BSN: variants seen among roughly 807,000 people sequenced by gnomAD.
BSN encodes the protein bassoon presynaptic cytomatrix protein.
Under a neutral mutation model 264.8 loss-of-function variants are expected in BSN, and 57 were observed. The ratio of observed to expected loss-of-function variants is 0.22; its 90% CI spans 0.17 to 0.27. The LOEUF is 0.27. Among genes scored for constraint, BSN ranks in the 10% least tolerant of loss-of-function variants. The pLI, the probability that BSN is intolerant of heterozygous loss-of-function variation, is 1.00. For missense variants in BSN, 4,615 were observed against 5,232.5 expected, an observed-to-expected ratio of 0.88 and a Z score of 3.64; for synonymous variants, 2,059 against 2,137.3, an observed-to-expected ratio of 0.96 and a Z score of 1.01.
At chr3:49,606,332 T>TTATATATATTAAAATATATATTTA (rs1559603765) in intron 1 of BSN, among the ~76,000 whole-genome samples, 1 of 121,816 alleles carries the variant, frequency 8.2e-6, no homozygotes, top group Non-Finnish European at 1.6e-5. Context: ...AAAATATATA[T>TTATATATATTAAAATATATATTTA]ATATTTTTGG....
At chr3:49,573,718 C>T (rs1363208122) in intron 1 of BSN, among the ~76,000 whole-genome samples, 2 of 141,826 alleles carry the variant, frequency 1.4e-5, no homozygotes, top group African/African-American at 2.7e-5. Context: ...AGTGCAATGG[C>T]GCAATCTTGG....
intron 1 of BSN, among the ~76,000 whole-genome samples, chr3:49,556,984 T>TA (rs1315554703): frequency 2.0e-5 from 3 of 152,210 alleles, no homozygotes; most frequent in African/African-American, 7.2e-5. Flanking sequence ...ATTGCCATAT[T>TA]ACCTTGTCAT....
At chr3:49,666,092 A>T (rs2052711386) in intron 11 of BSN, among the ~76,000 whole-genome samples, 1 of 152,202 alleles carries the variant, frequency 6.6e-6, no homozygotes, top group Admixed American at 6.5e-5. Flanking sequence ...AGGACCACTG[A>T]CCATCATCCC....
intron 1 of BSN, among the ~76,000 whole-genome samples, chr3:49,607,904 G>A (rs1181632305): frequency 6.6e-6 from 1 of 152,256 alleles, no homozygotes; most frequent in Non-Finnish European, 1.5e-5. Flanking sequence ...CCTTGGATGG[G>A]AGGTTTTGGC....
chr3:49,658,539 G>T (rs1257637468), intron 5 of BSN, among the ~76,000 whole-genome samples: 1 of 152,118 alleles, frequency 6.6e-6, no homozygotes, highest in Non-Finnish European at 1.5e-5. Context: ...CTCACTTCTA[G>T]TCTGGACCCC....
Position 49,655,104 on chromosome 3 carries a change from C to T in BSN, c.5548C>T (p.Arg1850Trp), listed in dbSNP as rs1481359093. 3.7e-6 allele frequency: 6 copies of T among 1,612,574 alleles called. No individual in the cohort carries two copies. The highest frequency in any genetic ancestry group is 3.3e-5 in the Admixed American group (2 of 59,976). The change falls in exon 5 of 12, where the codon CGG becomes TGG. Residue 1850 changes from arginine (R) to tryptophan (W), a missense_variant. Arg to Trp is a moderately radical substitution (Grantham distance 101). Around this residue, in one of 3 missense-constraint regions of BSN, gnomAD observed 3,415 missense variants for 3,866.4 expected, o/e 0.88. Transcript: ENST00000296452. ...CCACCGGGCCACCCCTGCAGAGCTGCGGTCACATGCTCTGCCAGGTGCCAG... is the reference window on the plus strand; with the variant it reads ...CCACCGGGCCACCCCTGCAGAGCTGTGGTCACATGCTCTGCCAGGTGCCAG... ...EPHRATPAEL[R>W]SHALPGARKP...
In BSN at chr3:49,656,559, A is replaced by G. The variant is rs749220696; in HGVS notation, c.7003A>G (p.Lys2335Glu). Residue 2335 changes from lysine (K) to glutamate (E), a missense_variant, in exon 5 of 12, where the codon AAG becomes GAG. Lys to Glu is a moderately conservative substitution (Grantham distance 56). Coordinates refer to ENST00000296452, the MANE Select transcript of BSN (RefSeq NM_003458.4). Reference sequence around the variant, plus strand: ...AGCTCCTGCCCCACTAGCTGGCCAGAAGCCACCAGCAGATGCTGCTCCTGG... The same window carrying G: ...AGCTCCTGCCCCACTAGCTGGCCAGGAGCCACCAGCAGATGCTGCTCCTGG... ...APAPAPLAGQKPPADAAPGGG... is the reference protein window; with the variant it reads ...APAPAPLAGQEPPADAAPGGG... 6.4e-7 allele frequency: 1 copy of G among 1,573,034 alleles called. No homozygotes were observed. Among genetic ancestry groups the G allele is most frequent in the Non-Finnish European group, 8.6e-7 (1 of 1,159,896 alleles).
Position 49,651,851 on chromosome 3 carries a change from C to T in BSN, c.2295C>T (p.Ser765=), listed in dbSNP as rs974427911. ...EEQKQRPHSL[S]ITPEAFDSDE... is the part of the protein sequence containing the mutation. ...AGAAGCAGCGGCCCCACTCCTTGTC[C>T]ATCACGCCTGAGGCCTTTGACTCTG... The change falls in exon 5 of 12, where the codon TCC becomes TCT. Residue 765 remains serine, a synonymous_variant. Coordinates refer to ENST00000296452, the MANE Select transcript of BSN (RefSeq NM_003458.4). This position sits in a 1 kb window ranked among gnomAD's most constrained non-coding sequence, Gnocchi z 5.4. 1.2e-6 allele frequency: 2 copies of T among 1,613,858 alleles called. No individual in the cohort carries two copies. The highest frequency in any genetic ancestry group is 1.7e-6 in the Non-Finnish European group (2 of 1,180,046).
intron 2 of BSN, among the ~76,000 whole-genome samples, chr3:49,633,301 CAAAAAAAA>C (rs77435983): frequency 1.6e-4 from 13 of 81,078 alleles, no homozygotes; most frequent in Middle Eastern, 8.2e-3. Flanking sequence ...GACTCTGTCT[CAAAAAAAA>C]AAAAAAGAAA....
At chr3:49,562,942 A>G (rs933572728) in intron 1 of BSN, among the ~76,000 whole-genome samples, 1 of 152,158 alleles carries the variant, frequency 6.6e-6, no homozygotes, top group Non-Finnish European at 1.5e-5. Context: ...TTCATCTGTA[A>G]AATGAGAGAT....
intron 1 of BSN, among the ~76,000 whole-genome samples, chr3:49,605,900 C>CTA (rs1304941644): frequency 3.3e-4 from 5 of 15,190 alleles, no homozygotes; most frequent in East Asian, 2.9e-3. Context: ...ATATTTATGT[C>CTA]TATATAAATA....
At chr3:49,664,879 C>T (rs980933902) in intron 10 of BSN, 26 bp downstream of exon 10, 1 of 1,585,524 alleles carries the variant, frequency 6.3e-7, no homozygotes, top group African/African-American at 1.3e-5. Flanking sequence ...CTGTACCTTG[C>T]CTCTTCTGGG....
chr3:49,642,269 T>G lies in BSN; in HGVS notation c.635T>G (p.Val212Gly), dbSNP rs1167052634. The G allele has an allele frequency of 6.6e-7, 1 of 1,525,078 alleles. No individual in the cohort carries two copies. The highest frequency in any genetic ancestry group is 8.8e-7 in the Non-Finnish European group (1 of 1,136,434). The allele number at this position is 1,525,078 out of a possible 1,614,324, so 94.5% of individuals were successfully genotyped here. A position where few individuals can be genotyped will look rare whatever the true frequency, so the allele number is the denominator to read the frequency against. Residue 212 changes from valine (V) to glycine (G), a missense_variant and splice_region_variant, in exon 3 of 12, where the codon GTG becomes GGG. Val to Gly is a moderately radical substitution (Grantham distance 109). Around this residue, in one of 3 missense-constraint regions of BSN, gnomAD observed 1,197 missense variants for 1,348.0 expected, o/e 0.89. Transcript: ENST00000296452. The surrounding 1 kb of genome is among the most constrained non-coding windows in gnomAD (Gnocchi z 7.0). ...GFNPNPHLTQ[V>G]KEWLCLNCQM... ...TGACTATTTTGCTTTTCTCCTCAGG[T>G]GAAGGAGTGGCTCTGTCTGAACTGT...
At chr3:49,582,279 G>T (rs1273282307) in intron 1 of BSN, among the ~76,000 whole-genome samples, 1 of 152,150 alleles carries the variant, frequency 6.6e-6, no homozygotes, top group African/African-American at 2.4e-5. Flanking sequence ...AATCTTTAGA[G>T]AAATGTCTGT....
At chr3:49,594,890 ATTT>A (rs35658408) in intron 1 of BSN, among the ~76,000 whole-genome samples, 1 of 144,316 alleles carries the variant, frequency 6.9e-6, no homozygotes. Flanking sequence ...AGATCCTACA[ATTT>A]TTTTTTTTTT....
chr3:49,613,305 AGAGAG>A (rs1559605424), intron 1 of BSN, among the ~76,000 whole-genome samples: 5 of 103,548 alleles, frequency 4.8e-5, no homozygotes, highest in Non-Finnish European at 1.1e-4. Flanking sequence ...ACACAGAGCG[AGAGAG>A]AGAGAGAGAG....
At position 49,605,244 on chromosome 3, in the gene BSN, G is replaced by A. The variant is rs547170808; in HGVS notation, c.225-19731G>A. Among the ~76,000 whole-genome samples, 123 of 123,936 alleles carry A rather than the reference G, an allele frequency of 9.9e-4. 2 individuals are homozygous for A. Among genetic ancestry groups the A allele is most frequent in the African/African-American group, 2.6e-3 (85 of 32,352 alleles). The allele number at this position is 123,936 out of a possible 152,430, so 81.3% of individuals were successfully genotyped here. On this transcript the variant is annotated intron_variant, in intron 1 of 11. Transcript: ENST00000296452. ...GCACTCCAGCCTGGGCAACAAGAGC[G>A]AAACTCTGTCTCAAAAAAATATATA...
At chr3:49,673,086 AC>A (rs2052845816), downstream of BSN, among the ~76,000 whole-genome samples, 4 of 3,766 alleles carry the variant, frequency 1.1e-3, no homozygotes, top group Non-Finnish European at 2.0e-3. Context: ...GCCGGCCGGG[AC>A]TTTTTTTTTT....
Position 49,653,740 on chromosome 3 carries a change from G to C in BSN, c.4184G>C (p.Arg1395Pro). 1.9e-6 allele frequency: 3 copies of C among 1,613,962 alleles called. No homozygotes were observed. Among genetic ancestry groups the C allele is most frequent in the Non-Finnish European group, 2.5e-6 (3 of 1,179,984 alleles). Residue 1395 changes from arginine to proline, a missense_variant, in exon 5 of 12, where the codon CGA becomes CCA. By Grantham distance (103) the Arg-to-Pro change is moderately radical. Coordinates refer to ENST00000296452, the MANE Select transcript of BSN (RefSeq NM_003458.4). This position sits in a 1 kb window ranked among gnomAD's most constrained non-coding sequence, Gnocchi z 6.3. Reference sequence around the variant, plus strand: ...GCTCCTTGTCCAGCTGGGCTGCCACGAGGATATATGACTCCAGCCTCCCCA... The same window carrying C: ...GCTCCTTGTCCAGCTGGGCTGCCACCAGGATATATGACTCCAGCCTCCCCA... ...AVAPCPAGLP[R>P]GYMTPASPAG...
Sources: gnomAD v4.1 joint callset for allele counts (sites outside exome capture counted in the v4.1 genomes callset) on GRCh38, gnomAD v4.1.1 for gene constraint, gnomAD v4.1.1 regional missense constraint, Gnocchi (gnomAD v3.1) non-coding constraint, MANE v1.5 for transcripts, NCBI Gene and HGNC (gene_info 2026-07-23, HGNC 2026-07-21) for gene names.